Variants in ELFN1 observed in about 807,000 individuals in gnomAD.
The protein encoded by ELFN1 is extracellular leucine rich repeat and fibronectin type III domain containing 1.
In ELFN1, 6 loss-of-function variants were observed where a neutral mutation model predicts 7.6. The ratio of observed to expected loss-of-function variants is 0.79; its 90% CI spans 0.43 to 1.56. The LOEUF (loss-of-function observed/expected upper bound fraction) is 1.56, where lower values mean the gene tolerates loss of function less well. Among genes scored for constraint, ELFN1 ranks in the 40% most tolerant of loss-of-function variants. The probability of loss-of-function intolerance (pLI) is 0.01; values close to 1 mark genes in which losing one functional copy is unlikely to be tolerated. For synonymous variants in ELFN1, 657 were observed against 588.1 expected (o/e 1.12, Z -1.70); for missense variants, 1,169 against 1,232.2 (o/e 0.95, Z 0.77).
Position 1,746,305 on chromosome 7 carries a change from A to G in ELFN1, c.1709A>G (p.Asn570Ser), listed in dbSNP as rs1461666586. ...GTGGACAAGGTCAACCAGATCATCAACAACTGCATCGACGCGCTCAAGTCC... is the reference window on the plus strand; with the variant it reads ...GTGGACAAGGTCAACCAGATCATCAGCAACTGCATCGACGCGCTCAAGTCC... ...KEVDKVNQII[N>S]NCIDALKSES... is the part of the protein sequence containing the mutation. Residue 570 changes from asparagine to serine, a missense_variant, in exon 4 of 4, where the codon AAC becomes AGC. This residue lies in a region of ELFN1 where 914 missense variants were observed against 872.6 expected (regional missense o/e 1.05). Transcript: ENST00000424383. 2 of 1,591,032 alleles carry G rather than the reference A, an allele frequency of 1.3e-6. No homozygotes were observed. Among genetic ancestry groups the G allele is most frequent in the African/African-American group, 2.7e-5 (2 of 74,486 alleles).
chr7:1,680,862 C>T (rs1778962885), intron 1 of ELFN1, among the ~76,000 whole-genome samples: 1 of 151,930 alleles, frequency 6.6e-6, no homozygotes, highest in Non-Finnish European at 1.5e-5. Flanking sequence ...CTGCCTCAGC[C>T]TCCTGAGTAG....
chr7:1,740,003 C>T lies in ELFN1; in HGVS notation c.-293-4301C>T, dbSNP rs114236979. On this transcript the variant is annotated intron_variant, in intron 3 of 3. Coordinates refer to ENST00000424383, the MANE Select transcript of ELFN1 (RefSeq NM_001128636.4). This position sits in a 1 kb window ranked among gnomAD's most constrained non-coding sequence, Gnocchi z 5.0. ...GTTCCAATACGGCAGCTACTAGCCA[C>T]GTTTCTGGCACTCCAGAGCCACAGG... 6.2e-3 allele frequency among the ~76,000 whole-genome samples: 945 copies of T among 152,340 alleles called. 13 individuals are homozygous for T. The highest frequency in any genetic ancestry group is 0.022 in the African/African-American group (897 of 41,574).
intron 1 of ELFN1, among the ~76,000 whole-genome samples, chr7:1,684,767 CTAT>C (rs1779035479): frequency 6.6e-6 from 1 of 151,980 alleles, no homozygotes; most frequent in South Asian, 2.1e-4. Context: ...CTGTTTTGTA[CTAT>C]TATTATCATA....
At chr7:1,680,409 A>G (rs975475719) in intron 1 of ELFN1, among the ~76,000 whole-genome samples, 25 of 152,108 alleles carry the variant, frequency 1.6e-4, no homozygotes, top group African/African-American at 5.8e-4. Flanking sequence ...GGTTCTCACC[A>G]CCCTCGGGAC....
intron 3 of ELFN1, among the ~76,000 whole-genome samples, chr7:1,719,078 A>G (rs866641561): frequency 6.6e-6 from 1 of 150,540 alleles, no homozygotes; most frequent in Non-Finnish European, 1.5e-5. Flanking sequence ...CTCCATCTCC[A>G]CCCCCAGGGG....
At chr7:1,682,647 G>A (rs1416155170) in intron 1 of ELFN1, among the ~76,000 whole-genome samples, 5 of 144,722 alleles carry the variant, frequency 3.5e-5, no homozygotes, top group Non-Finnish European at 7.5e-5. Context: ...GGTTTTCTGT[G>A]TTACTGAGGC....
At position 1,746,284 on chromosome 7, in the gene ELFN1, A is replaced by C; in HGVS notation, c.1688A>C (p.Asp563Ala). ...ATCTCCACCATCGCCAAGGAGGTGG[A>C]CAAGGTCAACCAGATCATCAACAAC... ...AEISTIAKEV[D>A]KVNQIINNCI... is the part of the protein sequence containing the mutation. Residue 563 changes from aspartate (D) to alanine (A), a missense_variant, in exon 4 of 4, where the codon GAC (aspartate) becomes GCC (alanine). Coordinates refer to ENST00000424383, the MANE Select transcript of ELFN1 (RefSeq NM_001128636.4). 2 of 1,596,236 alleles carry C rather than the reference A, an allele frequency of 1.3e-6. No individual in the cohort carries two copies. The highest frequency in any genetic ancestry group is 8.5e-7 in the Non-Finnish European group (1 of 1,172,496).
rs1291626673 is a variant in ELFN1, at chr7:1,745,116, G to A, written c.520G>A (p.Gly174Ser). The change falls in exon 4 of 4, where the codon GGC (glycine) becomes AGC (serine). Residue 174 changes from glycine to serine, a missense_variant. Coordinates refer to ENST00000424383, the MANE Select transcript of ELFN1 (RefSeq NM_001128636.4). ...SMNRIQQLNSGTFAGLAKLSV... is the reference protein window; with the variant it reads ...SMNRIQQLNSSTFAGLAKLSV... ...GAACCGCATCCAGCAGCTCAACAGC[G>A]GCACCTTCGCCGGCCTGGCCAAGCT... 5 of 1,550,818 alleles carry A rather than the reference G, an allele frequency of 3.2e-6. No individual in the cohort carries two copies. Among genetic ancestry groups the A allele is most frequent in the African/African-American group, 1.4e-5 (1 of 73,054 alleles).
rs1011994608 is a variant in ELFN1 at position 1,739,687 on chromosome 7, A to G, written c.-293-4617A>G. Among the ~76,000 whole-genome samples the G allele has an allele frequency of 6.6e-6, 1 of 152,014 alleles. No individual in the cohort carries two copies. The highest frequency in any genetic ancestry group is 1.5e-5 in the Non-Finnish European group (1 of 67,996). The stretch of plus-strand genomic sequence containing the variant: ...GGCGGTGGCTGGGATGCTGGAGTGG[A>G]GAGGGCGGCAGGAGGGAGCCAGCAG... On this transcript the variant is annotated intron_variant, in intron 3 of 3. Coordinates refer to ENST00000424383, the MANE Select transcript of ELFN1 (RefSeq NM_001128636.4). This position sits in a 1 kb window ranked among gnomAD's most constrained non-coding sequence, Gnocchi z 4.6.
At chr7:1,732,505 A>G (rs1210161053) in intron 3 of ELFN1, among the ~76,000 whole-genome samples, 1 of 152,168 alleles carries the variant, frequency 6.6e-6, no homozygotes, top group Non-Finnish European at 1.5e-5. Context: ...TAGATTACTC[A>G]ACATAGTGTC....
chr7:1,732,102 A>G (rs541338589), intron 3 of ELFN1, among the ~76,000 whole-genome samples: 4 of 152,262 alleles, frequency 2.6e-5, no homozygotes, highest in African/African-American at 9.6e-5. Flanking sequence ...GTGGAGATAG[A>G]TGGGAATCAG....
At chr7:1,716,296 GTGT>G (rs1328834002) in intron 3 of ELFN1, among the ~76,000 whole-genome samples, 1 of 152,224 alleles carries the variant, frequency 6.6e-6, no homozygotes, top group Non-Finnish European at 1.5e-5. Flanking sequence ...TAGGGTCATC[GTGT>G]TGTGTGCTGT....
Position 1,745,667 on chromosome 7 carries a change from C to G in ELFN1, c.1071C>G (p.Ser357=). The change falls in exon 4 of 4, where the codon TCC becomes TCG. Residue 357 remains serine, a synonymous_variant. Coordinates refer to ENST00000424383, the MANE Select transcript of ELFN1 (RefSeq NM_001128636.4). ...HFNNSKASTV[S]RLTKAQEEIR... ...ACAACAGCAAGGCCTCCACCGTGTCCAGGCTGACCAAGGCCCAGGAGGAGA... is the reference window on the plus strand; with the variant it reads ...ACAACAGCAAGGCCTCCACCGTGTCGAGGCTGACCAAGGCCCAGGAGGAGA... 5 of 1,551,394 alleles carry G rather than the reference C, an allele frequency of 3.2e-6. No individual in the cohort carries two copies. The highest frequency in any genetic ancestry group is 4.4e-6 in the Non-Finnish European group (5 of 1,147,012).
chr7:1,671,898 CA>C (rs2128572712), intron 1 of ELFN1, among the ~76,000 whole-genome samples: 1 of 152,308 alleles, frequency 6.6e-6, no homozygotes, highest in South Asian at 2.1e-4. Flanking sequence ...GGAGCCCAGC[CA>C]GGACCCCAGC....
intron 3 of ELFN1, among the ~76,000 whole-genome samples, chr7:1,733,491 T>C (rs1036554469): frequency 4.6e-5 from 7 of 152,012 alleles, no homozygotes; most frequent in Admixed American, 4.6e-4. Context: ...CCTGGGGTTA[T>C]GATAGAACTT....
chr7:1,728,591 T>G, intron 3 of ELFN1, among the ~76,000 whole-genome samples: 1 of 152,166 alleles, frequency 6.6e-6, no homozygotes, highest in South Asian at 2.1e-4. Flanking sequence ...CCCCCACCTT[T>G]CCTTCTGTCC....
chr7:1,709,489 G>T (rs1583344805), intron 3 of ELFN1, among the ~76,000 whole-genome samples: 1 of 152,232 alleles, frequency 6.6e-6, no homozygotes, highest in Non-Finnish European at 1.5e-5. Flanking sequence ...AAGGAGCCTG[G>T]GGCTGCCGGG....
At chr7:1,711,569 A>AGAGAGG (rs1779651919) in intron 3 of ELFN1, among the ~76,000 whole-genome samples, 1 of 109,008 alleles carries the variant, frequency 9.2e-6, no homozygotes, top group Non-Finnish European at 1.9e-5. Context: ...AGAGAGAGCG[A>AGAGAGG]GAGAGTGAGA....
At chr7:1,678,981 G>C (rs750091029) in intron 1 of ELFN1, among the ~76,000 whole-genome samples, 6 of 152,074 alleles carry the variant, frequency 3.9e-5, no homozygotes, top group Non-Finnish European at 8.8e-5. Context: ...ACTGGCCTTG[G>C]GTGGCAGAGG....
Sources: gnomAD v4.1 joint callset for allele counts (sites outside exome capture counted in the v4.1 genomes callset) on GRCh38, gnomAD v4.1.1 for gene constraint, gnomAD v4.1.1 regional missense constraint, Gnocchi (gnomAD v3.1) non-coding constraint, MANE v1.5 for transcripts, NCBI Gene and HGNC (gene_info 2026-07-23, HGNC 2026-07-21) for gene names.